Variants in ERBB4 observed in about 807,000 individuals in gnomAD.
ERBB4 encodes erb-b2 receptor tyrosine kinase 4.
ERBB4 carries 42 observed loss-of-function variants against 158.0 expected under a neutral mutation model. The ratio of observed to expected loss-of-function variants is 0.27; its 90% CI spans 0.21 to 0.34. The LOEUF (loss-of-function observed/expected upper bound fraction) is 0.34. ERBB4 is among the 10% of genes least tolerant of loss of function. ERBB4 has a pLI of 1.00. For missense variants in ERBB4, 1,333 were observed against 1,624.1 expected (o/e 0.82, Z 3.08); for synonymous variants, 583 against 558.7 (o/e 1.04, Z -0.61).
intron 20 of ERBB4, among the ~76,000 whole-genome samples, chr2:211,435,955 T>A (rs1559166175): frequency 1.0e-5 from 1 of 95,570 alleles, no homozygotes; most frequent in Non-Finnish European, 2.3e-5. Flanking sequence ...TACAGTTTTG[T>A]TTTCTTTGTT....
chr2:211,572,436 C>A (rs17335169), intron 19 of ERBB4, among the ~76,000 whole-genome samples: 2 of 152,122 alleles, frequency 1.3e-5, no homozygotes, highest in African/African-American at 4.8e-5. Flanking sequence ...CACCCTGCCA[C>A]GTGCTCAGTG....
intron 1 of ERBB4, among the ~76,000 whole-genome samples, chr2:212,345,099 A>G (rs976074446): frequency 6.6e-6 from 1 of 151,654 alleles, no homozygotes; most frequent in Non-Finnish European, 1.5e-5. Flanking sequence ...CCCCGTCTCT[A>G]CTAAAAATAC....
At chr2:211,471,944 C>G (rs73067288) in intron 20 of ERBB4, among the ~76,000 whole-genome samples, 59 of 152,162 alleles carry the variant, frequency 3.9e-4, no homozygotes, top group African/African-American at 1.4e-3. Context: ...GAATTGAAGA[C>G]CAGCCTGAGC....
rs182672648 is a variant in ERBB4, at chr2:211,629,022, T to A, written c.2079+1440A>T. On this transcript the variant is annotated intron_variant, in intron 17 of 27. Transcript: ENST00000342788. ...GCACACTTTTTGATGGGGTTGTTTG[T>A]TTTTTTTCTTCTAAATTTGTTTGAG... Among the ~76,000 whole-genome samples the A allele has an allele frequency of 4.7e-3, 717 of 152,076 alleles. 7 individuals are homozygous for A. The highest frequency in any genetic ancestry group is 0.016 in the African/African-American group (684 of 41,512).
At chr2:212,123,035 T>C (rs2079805006) in intron 2 of ERBB4, among the ~76,000 whole-genome samples, 2 of 152,246 alleles carry the variant, frequency 1.3e-5, no homozygotes, top group African/African-American at 2.4e-5. Context: ...TATAAAGTCA[T>C]TGAGTTTCTT....
At chr2:211,541,815 T>A (rs2066817178) in intron 20 of ERBB4, among the ~76,000 whole-genome samples, 1 of 152,058 alleles carries the variant, frequency 6.6e-6, no homozygotes, top group Admixed American at 6.6e-5. Flanking sequence ...ACTCTTACTA[T>A]GTAACGAGCT....
At chr2:212,172,316 G>A (rs2081542097) in intron 1 of ERBB4, among the ~76,000 whole-genome samples, 1 of 152,098 alleles carries the variant, frequency 6.6e-6, no homozygotes, top group African/African-American at 2.4e-5. Flanking sequence ...ACTGTTGGTA[G>A]AAGTGTAAAT....
chr2:211,888,853 C>T (rs563516477), intron 3 of ERBB4, among the ~76,000 whole-genome samples: 7 of 151,722 alleles, frequency 4.6e-5, no homozygotes, highest in Admixed American at 3.3e-4. Flanking sequence ...GCTTAAAAAA[C>T]GGCGAACCAT....
intron 1 of ERBB4, among the ~76,000 whole-genome samples, chr2:212,182,092 T>C (rs570657087): frequency 6.6e-6 from 1 of 151,912 alleles, no homozygotes; most frequent in South Asian, 2.1e-4. Flanking sequence ...AATGAATAGA[T>C]GTATCATAAT....
chr2:211,386,058 G>C (rs1375875014), intron 27 of ERBB4, among the ~76,000 whole-genome samples: 1 of 152,116 alleles, frequency 6.6e-6, no homozygotes, highest in African/African-American at 2.4e-5. Flanking sequence ...CCTTCTCAGA[G>C]TCTTAAAATG....
intron 3 of ERBB4, among the ~76,000 whole-genome samples, chr2:211,887,708 A>G (rs923378049): frequency 2.0e-5 from 3 of 152,252 alleles, no homozygotes; most frequent in Non-Finnish European, 2.9e-5. Context: ...CTGTTTAATC[A>G]TGTTATTATC....
At chr2:212,218,033 C>T (rs1368062065) in intron 1 of ERBB4, among the ~76,000 whole-genome samples, 1 of 151,242 alleles carries the variant, frequency 6.6e-6, no homozygotes, top group African/African-American at 2.4e-5. Flanking sequence ...CTAATACTGT[C>T]TGCTTGCTTC....
chr2:212,252,213 G>A (rs889102572), intron 1 of ERBB4, among the ~76,000 whole-genome samples: 5 of 151,958 alleles, frequency 3.3e-5, no homozygotes, highest in East Asian at 3.9e-4. Context: ...AATAAATCAC[G>A]ACGATGGATA....
intron 1 of ERBB4, among the ~76,000 whole-genome samples, chr2:212,368,901 C>T (rs914829368): frequency 5.3e-5 from 8 of 152,070 alleles, no homozygotes; most frequent in Non-Finnish European, 1.0e-4. Context: ...ACTACAAGTG[C>T]GGCCCGTGGA....
At chr2:212,145,727 TAAAAAAA>T (rs5838300) in intron 1 of ERBB4, among the ~76,000 whole-genome samples, 31 of 88,882 alleles carry the variant, frequency 3.5e-4, no homozygotes, top group African/African-American at 8.2e-4. Flanking sequence ...CAGCATGCAG[TAAAAAAA>T]AAAAAAAAAA....
intron 20 of ERBB4, among the ~76,000 whole-genome samples, chr2:211,510,271 T>C (rs376499835): frequency 2.4e-4 from 37 of 152,092 alleles, no homozygotes; most frequent in African/African-American, 8.7e-4. Flanking sequence ...TGGGTACTCA[T>C]GCACATAAAG....
intron 1 of ERBB4, among the ~76,000 whole-genome samples, chr2:212,330,868 A>C (rs1183459551): frequency 6.6e-6 from 1 of 151,352 alleles, no homozygotes; most frequent in Non-Finnish European, 1.5e-5. Context: ...AGATTTTACC[A>C]CAAGTGCGAT....
At chr2:212,296,694 A>C (rs2106195593) in intron 1 of ERBB4, among the ~76,000 whole-genome samples, 1 of 152,040 alleles carries the variant, frequency 6.6e-6, no homozygotes, top group East Asian at 1.9e-4. Flanking sequence ...ATCTGAATGT[A>C]GACAATCTGA....
chr2:211,743,478 A>G (rs562596212), intron 5 of ERBB4, among the ~76,000 whole-genome samples: 2 of 152,342 alleles, frequency 1.3e-5, no homozygotes, highest in East Asian at 1.9e-4. Flanking sequence ...ATAAAAAAGG[A>G]CATGCAGTAT....
Sources: gnomAD v4.1 joint callset for allele counts (sites outside exome capture counted in the v4.1 genomes callset) on GRCh38, gnomAD v4.1.1 for gene constraint, MANE v1.5 for transcripts, NCBI Gene and HGNC (gene_info 2026-07-23, HGNC 2026-07-21) for gene names.